Variants in VPS53 observed in about 807,000 individuals in gnomAD.
The protein encoded by VPS53 is VPS53 subunit of GARP complex, also known as vacuolar protein sorting-associated protein 53 homolog.
In VPS53, 70 loss-of-function variants were observed where a neutral mutation model predicts 107.0. The observed-to-expected ratio is 0.65, with a 90% CI of 0.54 to 0.80. The LOEUF is 0.80. VPS53 is among the 30% of genes least tolerant of loss of function. VPS53 has a pLI of 0.00. For missense variants in VPS53, 917 were observed against 1,049.4 expected (o/e 0.87, Z 1.74); for synonymous variants, 409 against 393.3 (o/e 1.04, Z -0.47).
intron 13 of VPS53, among the ~76,000 whole-genome samples, chr17:573,679 C>T (rs1446624275): frequency 1.3e-5 from 2 of 152,082 alleles, no homozygotes; most frequent in African/African-American, 4.8e-5. Flanking sequence ...TGAGGTCGGC[C>T]TTATGATCCT....
chr17:565,970 G>A (rs1218853867), intron 13 of VPS53, among the ~76,000 whole-genome samples: 1 of 152,098 alleles, frequency 6.6e-6, no homozygotes, highest in Non-Finnish European at 1.5e-5. Context: ...TTGGGAGGCC[G>A]AGGCGGGCGG....
At chr17:572,599 G>T (rs1914268587) in intron 13 of VPS53, among the ~76,000 whole-genome samples, 1 of 151,864 alleles carries the variant, frequency 6.6e-6, no homozygotes, top group African/African-American at 2.4e-5. Context: ...CGGGAAAGGT[G>T]GGGAAAAGAT....
chr17:542,292 CG>C (rs1235043307), intron 17 of VPS53, among the ~76,000 whole-genome samples: 1 of 152,122 alleles, frequency 6.6e-6, no homozygotes, highest in African/African-American at 2.4e-5. Flanking sequence ...CCTAAGGAAG[CG>C]TAACTGCTAA....
intron 4 of VPS53, among the ~76,000 whole-genome samples, chr17:678,174 G>C (rs1182318791): frequency 1.3e-5 from 2 of 152,154 alleles, no homozygotes; most frequent in Non-Finnish European, 2.9e-5. Context: ...CCAGCACTTT[G>C]AGAGGTCAAA....
chr17:632,819 G>A, intron 7 of VPS53: 1 of 455,870 alleles, frequency 2.2e-6, no homozygotes, highest in South Asian at 1.6e-5. Flanking sequence ...TTCAATCCAT[G>A]CAGCTGCAGT....
rs573901266 is a variant in VPS53 at position 552,082 on chromosome 17, G to A, written c.1788-132C>T. ...AGTTTGAGCTTTAATTAATGACAGC[G>A]GAGGAACAGCTTGGCTCTTTCTTCA... On this transcript the variant is annotated intron_variant, in intron 16 of 21. Transcript: ENST00000437048. The A allele has an allele frequency of 9.4e-5, 72 of 768,482 alleles. 1 individual carries two copies. The Admixed American group carries it at 1.5e-3, about 16-fold the overall frequency. 47.6% of individuals were successfully genotyped at this position (768,482 alleles called of 1,614,324 possible).
At chr17:688,585 C>T (rs1484167658) in intron 4 of VPS53, among the ~76,000 whole-genome samples, 1 of 152,136 alleles carries the variant, frequency 6.6e-6, no homozygotes, top group African/African-American at 2.4e-5. Context: ...TTATGAGTCC[C>T]CGCCTCAACT....
intron 13 of VPS53, among the ~76,000 whole-genome samples, chr17:577,352 T>G (rs1468672576): frequency 6.7e-6 from 1 of 150,100 alleles, no homozygotes; most frequent in East Asian, 2.0e-4. Flanking sequence ...AGAACCTCCC[T>G]CAGGACCTCA....
At chr17:633,528 T>C (rs1436793016) in intron 7 of VPS53, among the ~76,000 whole-genome samples, 1 of 152,166 alleles carries the variant, frequency 6.6e-6, no homozygotes, top group Admixed American at 6.5e-5. Context: ...TTTTTTCAGA[T>C]GAGGGGATAG....
At chr17:547,371 C>T (rs552859921) in intron 17 of VPS53, among the ~76,000 whole-genome samples, 1 of 152,216 alleles carries the variant, frequency 6.6e-6, no homozygotes, top group East Asian at 1.9e-4. Context: ...GACACATGCC[C>T]CACCATGCAC....
At chr17:622,315 A>G (rs564716716) in intron 11 of VPS53, among the ~76,000 whole-genome samples, 134 of 152,112 alleles carry the variant, frequency 8.8e-4, no homozygotes, top group Non-Finnish European at 1.6e-3. Context: ...TCGGGATTAG[A>G]CCACAAGTCT....
chr17:702,316 TG>T (rs1372564019), intron 2 of VPS53, among the ~76,000 whole-genome samples: 1 of 151,946 alleles, frequency 6.6e-6, no homozygotes, highest in Non-Finnish European at 1.5e-5. Flanking sequence ...ATGGAGCCAC[TG>T]AACTGTAGCC....
rs1840773480 is a variant in VPS53, at chr17:519,992, G to C, written c.2224-62C>G. On this transcript the variant is annotated intron_variant, in intron 20 of 21. Coordinates refer to ENST00000437048, the MANE Select transcript of VPS53 (RefSeq NM_001128159.3). The surrounding 1 kb of genome is among the most constrained non-coding windows in gnomAD (Gnocchi z 5.0). ...AAACTACCACCACGGGAGGAGACAG[G>C]AGCGGGCCCTCAAGAAAACTCACTA... 3.2e-6 allele frequency: 4 copies of C among 1,234,526 alleles called. No individual in the cohort carries two copies. In the South Asian group the frequency reaches 5.2e-5, roughly 16 times the overall value. 76.5% of individuals were successfully genotyped at this position (1,234,526 alleles called of 1,614,324 possible). A position where few individuals can be genotyped will look rare whatever the true frequency, so the allele number is the denominator to read the frequency against.
chr17:610,502 A>G (rs181504652), intron 11 of VPS53, among the ~76,000 whole-genome samples: 33 of 152,330 alleles, frequency 2.2e-4, no homozygotes, highest in African/African-American at 7.5e-4. Flanking sequence ...AAACACAAGC[A>G]AGAACAAAAA....
At chr17:564,118 G>A (rs28642775) in intron 13 of VPS53, among the ~76,000 whole-genome samples, 44,634 of 149,384 alleles carry the variant, frequency 0.3, 7,046 homozygotes, top group East Asian at 0.41. Flanking sequence ...GGTGTGGGCC[G>A]GGTGCGGTGG....
intron 16 of VPS53, among the ~76,000 whole-genome samples, 175 bp from the exon 17 acceptor site, chr17:552,125 G>T (rs939572587): frequency 6.6e-6 from 1 of 152,036 alleles, no homozygotes; most frequent in Non-Finnish European, 1.5e-5. Flanking sequence ...GTTTTATCTG[G>T]GTGTGTCCTC....
At chr17:528,182 C>T (rs1301007860) in intron 19 of VPS53, among the ~76,000 whole-genome samples, 1 of 152,180 alleles carries the variant, frequency 6.6e-6, no homozygotes, top group African/African-American at 2.4e-5. Flanking sequence ...GGTTGTACAG[C>T]TGTCAGCATT....
intron 11 of VPS53, among the ~76,000 whole-genome samples, chr17:612,127 T>C (rs1051615738): frequency 6.6e-6 from 1 of 151,652 alleles, no homozygotes; most frequent in African/African-American, 2.4e-5. Flanking sequence ...CACAGCAGTA[T>C]TCAAATAGTG....
intron 15 of VPS53, among the ~76,000 whole-genome samples, chr17:556,799 A>T (rs1912405287): frequency 7.5e-6 from 1 of 133,254 alleles, no homozygotes. Flanking sequence ...GATAATAAGG[A>T]AGTAAGCCAG....
Sources: allele counts gnomAD v4.1 joint callset (sites outside exome capture counted in the v4.1 genomes callset), GRCh38; gene constraint gnomAD v4.1.1; non-coding constraint Gnocchi (gnomAD v3.1); transcripts MANE v1.5; gene names NCBI Gene and HGNC (gene_info 2026-07-23, HGNC 2026-07-21).